Variants in AUTS2 observed in about 807,000 individuals in gnomAD.
AUTS2 encodes the protein autism susceptibility gene 2 protein.
Under a neutral mutation model 112.4 loss-of-function variants are expected in AUTS2, and 17 were observed. That is an observed-to-expected ratio of 0.15 (90% CI 0.10 to 0.23). The LOEUF (loss-of-function observed/expected upper bound fraction) is 0.23. AUTS2 is among the 10% of genes least tolerant of loss of function. AUTS2 has a pLI of 1.00. For missense variants in AUTS2, 1,510 were observed against 1,701.6 expected (o/e 0.89, Z 1.98); for synonymous variants, 751 against 702.7 (o/e 1.07, Z -1.09).
At chr7:70,383,769 C>T (rs1014191473) in intron 4 of AUTS2, among the ~76,000 whole-genome samples, 4 of 152,188 alleles carry the variant, frequency 2.6e-5, no homozygotes, top group Non-Finnish European at 2.9e-5. Flanking sequence ...GATCAGCCAG[C>T]GCAATGAAAC....
chr7:69,625,747 A>G (rs1396228444), intron 1 of AUTS2, among the ~76,000 whole-genome samples: 1 of 151,894 alleles, frequency 6.6e-6, no homozygotes, highest in Non-Finnish European at 1.5e-5. Flanking sequence ...AGTCCTGTCT[A>G]CTCGGGAGGC....
At chr7:70,345,176 C>T (rs1791439801) in intron 4 of AUTS2, among the ~76,000 whole-genome samples, 2 of 152,152 alleles carry the variant, frequency 1.3e-5, no homozygotes, top group Admixed American at 6.5e-5. Flanking sequence ...ACTTAGCCGG[C>T]ATTTATTGGG....
intron 1 of AUTS2, among the ~76,000 whole-genome samples, chr7:69,612,013 T>G (rs1346017193): frequency 1.3e-5 from 2 of 151,998 alleles, no homozygotes; most frequent in Admixed American, 6.6e-5. Flanking sequence ...AGCTTCAAAC[T>G]GTCCAGTAAA....
At chr7:69,714,785 T>A (rs1204110660) in intron 1 of AUTS2, among the ~76,000 whole-genome samples, 1 of 152,186 alleles carries the variant, frequency 6.6e-6, no homozygotes, top group Non-Finnish European at 1.5e-5. Context: ...TAAATTTGTA[T>A]ACCAGTTTGG....
intron 5 of AUTS2, among the ~76,000 whole-genome samples, chr7:70,473,066 G>C (rs1362216122): frequency 6.6e-6 from 1 of 152,116 alleles, no homozygotes; most frequent in African/African-American, 2.4e-5. Flanking sequence ...AGACAACCTA[G>C]TTATTCAGGC....
chr7:69,691,414 A>G (rs944002551), intron 1 of AUTS2, among the ~76,000 whole-genome samples: 2 of 152,052 alleles, frequency 1.3e-5, no homozygotes, highest in African/African-American at 4.8e-5. Flanking sequence ...AGCTACCCTC[A>G]GCACCCACCC....
At chr7:70,669,789 G>C in intron 5 of AUTS2, among the ~76,000 whole-genome samples, 1 of 152,120 alleles carries the variant, frequency 6.6e-6, no homozygotes, top group East Asian at 1.9e-4. Context: ...TTGGCACAAG[G>C]GCTCTGAGGA....
intron 5 of AUTS2, among the ~76,000 whole-genome samples, chr7:70,495,895 C>T (rs567419597): frequency 7.9e-4 from 108 of 136,498 alleles, no homozygotes; most frequent in African/African-American, 2.9e-3. Context: ...ACATCAGCGT[C>T]GATCACACAT....
intron 4 of AUTS2, among the ~76,000 whole-genome samples, chr7:70,246,415 A>G (rs1244660379): frequency 6.6e-6 from 1 of 152,068 alleles, no homozygotes; most frequent in African/African-American, 2.4e-5. Flanking sequence ...CTCCATATGG[A>G]CAAGCAACTA....
chr7:70,295,299 T>C (rs1300665153), intron 4 of AUTS2, among the ~76,000 whole-genome samples: 1 of 152,064 alleles, frequency 6.6e-6, no homozygotes, highest in African/African-American at 2.4e-5. Context: ...CTGATCAGAG[T>C]CAGCCTGGGT....
chr7:70,411,212 AT>A (rs745453928), intron 4 of AUTS2, among the ~76,000 whole-genome samples: 78 of 152,282 alleles, frequency 5.1e-4, no homozygotes, highest in Non-Finnish European at 7.6e-4. Context: ...TGAAAAAAAA[AT>A]GGGATTCTCC....
chr7:70,466,521 C>T (rs927229046), intron 5 of AUTS2, among the ~76,000 whole-genome samples: 2 of 152,210 alleles, frequency 1.3e-5, no homozygotes, highest in Admixed American at 1.3e-4. Context: ...GGCATGTTCA[C>T]TGCCCTTAAA....
intron 5 of AUTS2, among the ~76,000 whole-genome samples, chr7:70,630,177 CT>C (rs1174095200): frequency 3.9e-5 from 6 of 152,156 alleles, no homozygotes; most frequent in Non-Finnish European, 7.3e-5. Flanking sequence ...TTGCAGTGTG[CT>C]TTCTGGGTTC....
chr7:70,234,468 C>T lies in AUTS2; in HGVS notation c.660+99897C>T, dbSNP rs117719908. ...TAGTAATAATTGCAAACATTTATTG[C>T]ATGTTTATGTGTGTACCAGGTGCTA... On this transcript the variant is annotated intron_variant, in intron 4 of 18. Transcript: ENST00000342771. Among the ~76,000 whole-genome samples the T allele has an allele frequency of 6.8e-3, 1,028 of 152,192 alleles. 44 individuals carry two copies. Among genetic ancestry groups the T allele is most frequent in the Admixed American group, 0.049 (743 of 15,286 alleles).
At chr7:70,198,323 A>G (rs964706250) in intron 4 of AUTS2, among the ~76,000 whole-genome samples, 7 of 150,888 alleles carry the variant, frequency 4.6e-5, no homozygotes, top group African/African-American at 1.5e-4. Context: ...CACCAGCAAC[A>G]GAACAAAGCT....
At chr7:70,416,050 G>T (rs1794975092) in intron 4 of AUTS2, among the ~76,000 whole-genome samples, 1 of 152,154 alleles carries the variant, frequency 6.6e-6, no homozygotes, top group Admixed American at 6.5e-5. Context: ...TTTGTCCCTG[G>T]CTGGCTCCTT....
At chr7:69,667,589 C>T (rs887462706) in intron 1 of AUTS2, among the ~76,000 whole-genome samples, 1 of 152,146 alleles carries the variant, frequency 6.6e-6, no homozygotes, top group Admixed American at 6.5e-5. Context: ...CTCCTGATCT[C>T]AGGTGATCTG....
At chr7:70,467,335 AG>A (rs1393304332) in intron 5 of AUTS2, among the ~76,000 whole-genome samples, 1 of 152,212 alleles carries the variant, frequency 6.6e-6, no homozygotes, top group Non-Finnish European at 1.5e-5. Flanking sequence ...ACCCTCCACA[AG>A]GGTTTAAGCT....
chr7:70,277,936 G>GTGTGTGTC (rs1447648973), intron 4 of AUTS2, among the ~76,000 whole-genome samples: 1 of 132,292 alleles, frequency 7.6e-6, no homozygotes, highest in Non-Finnish European at 1.6e-5. Flanking sequence ...TTGTGTGTGT[G>GTGTGTGTC]TGTGTGTGTG....
Sources: gnomAD v4.1 joint callset for allele counts (sites outside exome capture counted in the v4.1 genomes callset) on GRCh38, gnomAD v4.1.1 for gene constraint, MANE v1.5 for transcripts, NCBI Gene and HGNC (gene_info 2026-07-23, HGNC 2026-07-21) for gene names.